CDC42BPA: variants seen among roughly 807,000 people sequenced by gnomAD.
CDC42BPA encodes CDC42 binding protein kinase alpha, also known as serine/threonine-protein kinase MRCK alpha.
A neutral mutation model predicts 223.5 loss-of-function variants in CDC42BPA; 80 were observed. The observed-to-expected ratio is 0.36, with a 90% CI of 0.30 to 0.43. CDC42BPA has a LOEUF of 0.43. Ranked by LOEUF, CDC42BPA falls within the 20% of genes least tolerant of loss-of-function variation. The pLI, the probability that CDC42BPA is intolerant of heterozygous loss-of-function variation, is 1.00. For synonymous variants in CDC42BPA, 694 were observed against 718.6 expected, an observed-to-expected ratio of 0.97 and a Z score of 0.55; for missense variants, 1,743 against 2,099.9, an observed-to-expected ratio of 0.83 and a Z score of 3.32.
intron 34 of CDC42BPA, among the ~76,000 whole-genome samples, chr1:227,009,196 G>A (rs1031567234): frequency 4.6e-5 from 7 of 151,992 alleles, no homozygotes; most frequent in Non-Finnish European, 7.4e-5. Flanking sequence ...ATAAAGGAAT[G>A]ACAAAAAAAA....
At chr1:227,228,400 T>C (rs1677228422) in intron 2 of CDC42BPA, among the ~76,000 whole-genome samples, 2 of 152,236 alleles carry the variant, frequency 1.3e-5, no homozygotes, top group Non-Finnish European at 1.5e-5. Context: ...CATACAGATA[T>C]ACCACATTTT....
intron 35 of CDC42BPA, chr1:227,004,749 C>T (rs1327942597): frequency 5.3e-6 from 3 of 563,622 alleles, no homozygotes; most frequent in Admixed American, 3.0e-5. Flanking sequence ...TTTATCATCA[C>T]AATTTGTAAT....
chr1:227,036,236 A>T (rs745649662), intron 24 of CDC42BPA, among the ~76,000 whole-genome samples: 2 of 152,152 alleles, frequency 1.3e-5, no homozygotes, highest in African/African-American at 4.8e-5. Flanking sequence ...TCACTGATGG[A>T]TACTGTGAAA....
intron 15 of CDC42BPA, among the ~76,000 whole-genome samples, chr1:227,097,690 G>A (rs1310018987): frequency 1.3e-5 from 2 of 152,188 alleles, no homozygotes; most frequent in Admixed American, 6.5e-5. Flanking sequence ...AGGCAAAATG[G>A]TGGAGTTTAA....
chr1:227,261,451 T>C (rs754443155), intron 1 of CDC42BPA, among the ~76,000 whole-genome samples: 1 of 150,668 alleles, frequency 6.6e-6, no homozygotes, highest in Non-Finnish European at 1.5e-5. Flanking sequence ...AAATAGTCCT[T>C]GTGCATATAT....
intron 15 of CDC42BPA, among the ~76,000 whole-genome samples, chr1:227,098,885 G>A (rs1028391134): frequency 2.0e-5 from 3 of 151,764 alleles, no homozygotes; most frequent in African/African-American, 7.3e-5. Flanking sequence ...CTACAATATA[G>A]TCATGTAATG....
intron 1 of CDC42BPA, among the ~76,000 whole-genome samples, chr1:227,272,720 C>T (rs1472761481): frequency 2.0e-5 from 3 of 151,886 alleles, no homozygotes; most frequent in Non-Finnish European, 4.4e-5. Flanking sequence ...TGCTCCTGGC[C>T]CTGTAATTTC....
chr1:227,110,854 T>A (rs1360795899), intron 14 of CDC42BPA, among the ~76,000 whole-genome samples: 1 of 152,220 alleles, frequency 6.6e-6, no homozygotes. Context: ...ATATTTCTAT[T>A]TACAGCAAAG....
intron 2 of CDC42BPA, among the ~76,000 whole-genome samples, chr1:227,252,439 C>T (rs945906328): frequency 9.9e-5 from 15 of 152,114 alleles, no homozygotes; most frequent in African/African-American, 3.4e-4. Context: ...GAGGCTTCAC[C>T]AGTTAAATCT....
intron 1 of CDC42BPA, among the ~76,000 whole-genome samples, chr1:227,266,949 C>G (rs889997004): frequency 6.6e-6 from 1 of 152,206 alleles, no homozygotes; most frequent in African/African-American, 2.4e-5. Context: ...GGATTTACAA[C>G]CAGATCATCT....
chr1:227,083,843 A>T (rs1395196784), intron 16 of CDC42BPA, among the ~76,000 whole-genome samples: 3 of 152,156 alleles, frequency 2.0e-5, no homozygotes, highest in Non-Finnish European at 4.4e-5. Context: ...GGTTCAACTG[A>T]AAGTTTGAAT....
At chr1:227,146,628 AAC>A (rs745840728) in intron 7 of CDC42BPA, among the ~76,000 whole-genome samples, 39 of 152,142 alleles carry the variant, frequency 2.6e-4, no homozygotes, top group Non-Finnish European at 5.0e-4. Flanking sequence ...TATTATTATG[AAC>A]AGTCTATTTC....
chr1:227,172,401 C>T (rs903545380), intron 5 of CDC42BPA, among the ~76,000 whole-genome samples: 1 of 152,130 alleles, frequency 6.6e-6, no homozygotes, highest in African/African-American at 2.4e-5. Context: ...AAATCCTAAT[C>T]TTTCTCTGCA....
chr1:227,022,165 C>T (rs1031839216), intron 32 of CDC42BPA, among the ~76,000 whole-genome samples: 2 of 152,140 alleles, frequency 1.3e-5, no homozygotes, highest in Non-Finnish European at 2.9e-5. Flanking sequence ...GGCGTGATGG[C>T]TCAGGCCTAT....
intron 2 of CDC42BPA, among the ~76,000 whole-genome samples, chr1:227,252,279 G>A (rs1015479545): frequency 1.3e-5 from 2 of 152,048 alleles, no homozygotes; most frequent in Non-Finnish European, 1.5e-5. Context: ...TAAAAAGAGA[G>A]AGAAATGATC....
At chr1:227,044,821 T>C (rs1365015721) in intron 23 of CDC42BPA, among the ~76,000 whole-genome samples, 1 of 152,242 alleles carries the variant, frequency 6.6e-6, no homozygotes, top group Non-Finnish European at 1.5e-5. Flanking sequence ...AAGTACACTA[T>C]GGTTATCATC....
At chr1:227,011,046 TGGATA>T (rs1425888503) in intron 34 of CDC42BPA, 1 of 1,346,160 alleles carries the variant, frequency 7.4e-7, no homozygotes, top group Admixed American at 2.0e-5. Context: ...GATGAGGGGA[TGGATA>T]AGGGAAACCT....
intron 21 of CDC42BPA, among the ~76,000 whole-genome samples, chr1:227,057,654 A>G (rs914373033): frequency 1.3e-5 from 2 of 152,184 alleles, no homozygotes; most frequent in Non-Finnish European, 2.9e-5. Context: ...AGAAAAATTG[A>G]AGGAGGCCAG....
intron 31 of CDC42BPA, among the ~76,000 whole-genome samples, 185 bp from the exon 32 acceptor site, chr1:227,023,532 A>C (rs1005083607): frequency 1.3e-5 from 2 of 152,192 alleles, no homozygotes; most frequent in East Asian, 3.8e-4. Context: ...ATTTGAACAA[A>C]CAAACTTGCA....
Sources: allele counts gnomAD v4.1 joint callset (sites outside exome capture counted in the v4.1 genomes callset), GRCh38; gene constraint gnomAD v4.1.1; transcripts MANE v1.5; gene names NCBI Gene and HGNC (gene_info 2026-07-23, HGNC 2026-07-21).